SLC24A3: variants seen among roughly 807,000 people sequenced by gnomAD.
SLC24A3 encodes solute carrier family 24 member 3.
SLC24A3 carries 28 observed loss-of-function variants against 75.8 expected under a neutral mutation model. That is an observed-to-expected ratio of 0.37 (90% CI 0.27 to 0.51). SLC24A3 has a LOEUF of 0.51. Ranked by LOEUF, SLC24A3 falls within the 20% of genes least tolerant of loss-of-function variation. SLC24A3 has a pLI of 0.94. For missense variants in SLC24A3, 663 were observed against 847.8 expected (o/e 0.78, Z 2.71); for synonymous variants, 372 against 334.1 (o/e 1.11, Z -1.24).
At chr20:19,605,631 G>C (rs1164124790) in intron 6 of SLC24A3, among the ~76,000 whole-genome samples, 1 of 152,038 alleles carries the variant, frequency 6.6e-6, no homozygotes, top group Non-Finnish European at 1.5e-5. Context: ...ATTCAGCATA[G>C]GCCTTCTTAC....
At chr20:19,387,868 A>G (rs1179595594) in intron 2 of SLC24A3, among the ~76,000 whole-genome samples, 1 of 152,138 alleles carries the variant, frequency 6.6e-6, no homozygotes, top group Non-Finnish European at 1.5e-5. Flanking sequence ...CTGCTGTTTC[A>G]TTATTGATTT....
chr20:19,351,532 C>A (rs1396722627), intron 2 of SLC24A3, among the ~76,000 whole-genome samples: 2 of 152,160 alleles, frequency 1.3e-5, no homozygotes, highest in Non-Finnish European at 2.9e-5. Flanking sequence ...TGCTGTGGAA[C>A]CTAAGTTAAG....
At chr20:19,498,949 C>T (rs2122539749) in intron 2 of SLC24A3, among the ~76,000 whole-genome samples, 1 of 152,334 alleles carries the variant, frequency 6.6e-6, no homozygotes, top group South Asian at 2.1e-4. Flanking sequence ...GAGAAGTCTC[C>T]AAGCTGAGAA....
At chr20:19,598,894 A>G (rs1468065708) in intron 6 of SLC24A3, among the ~76,000 whole-genome samples, 2 of 134,396 alleles carry the variant, frequency 1.5e-5, no homozygotes, top group Non-Finnish European at 3.3e-5. Flanking sequence ...TTAAATATAT[A>G]TATATGTATA....
intron 2 of SLC24A3, among the ~76,000 whole-genome samples, chr20:19,494,739 TAGAG>T (rs1568634171): frequency 6.6e-6 from 1 of 152,066 alleles, no homozygotes. Context: ...TGCAGTGACT[TAGAG>T]GGATTAAGAG....
chr20:19,693,090 G>C (rs2032763556), intron 12 of SLC24A3, 169 bp from the exon 13 acceptor site: 1 of 705,108 alleles, frequency 1.4e-6, no homozygotes, highest in Non-Finnish European at 2.2e-6. Context: ...TGCATGTCAG[G>C]TTTCGTTGGT....
intron 2 of SLC24A3, among the ~76,000 whole-genome samples, chr20:19,299,222 G>GTGTGTGTGTT (rs1491056642): frequency 2.6e-5 from 4 of 151,536 alleles, no homozygotes; most frequent in African/African-American, 9.7e-5. Flanking sequence ...GTGTGTGTGT[G>GTGTGTGTGTT]TTTTCATCTT....
chr20:19,462,213 G>A (rs1987689633), intron 2 of SLC24A3, among the ~76,000 whole-genome samples: 1 of 152,070 alleles, frequency 6.6e-6, no homozygotes, highest in Non-Finnish European at 1.5e-5. Flanking sequence ...CAGATGACTG[G>A]ACTGCTGTCC....
chr20:19,656,536 T>C (rs1395785854), intron 7 of SLC24A3, among the ~76,000 whole-genome samples: 1 of 152,220 alleles, frequency 6.6e-6, no homozygotes, highest in African/African-American at 2.4e-5. Flanking sequence ...CCAGCAAGCT[T>C]CATCCTTCTA....
At chr20:19,515,636 AGGT>A in intron 3 of SLC24A3, 72 bp downstream of exon 3, 1 of 1,472,590 alleles carries the variant, frequency 6.8e-7, no homozygotes, top group Non-Finnish European at 9.5e-7. Flanking sequence ...GTGGCACCTG[AGGT>A]GCCCCCAGTA....
At chr20:19,445,092 C>T (rs1053321003) in intron 2 of SLC24A3, among the ~76,000 whole-genome samples, 1 of 152,046 alleles carries the variant, frequency 6.6e-6, no homozygotes, top group Non-Finnish European at 1.5e-5. Context: ...CAGAACTGAC[C>T]TTTTTCATGA....
At chr20:19,223,017 G>A (rs1981772290) in intron 1 of SLC24A3, among the ~76,000 whole-genome samples, 2 of 152,082 alleles carry the variant, frequency 1.3e-5, no homozygotes, top group African/African-American at 2.4e-5. Flanking sequence ...AGAGGGCCAG[G>A]CACAGTGGCT....
At chr20:19,243,706 C>A (rs890753025) in intron 1 of SLC24A3, among the ~76,000 whole-genome samples, 1 of 152,158 alleles carries the variant, frequency 6.6e-6, no homozygotes, top group African/African-American at 2.4e-5. Context: ...ATTTCCTTAA[C>A]CCTCTTACAG....
At chr20:19,423,367 G>A (rs1986949129) in intron 2 of SLC24A3, among the ~76,000 whole-genome samples, 1 of 152,168 alleles carries the variant, frequency 6.6e-6, no homozygotes, top group Non-Finnish European at 1.5e-5. Flanking sequence ...AAGTGATAAG[G>A]GGCCTTTGCT....
chr20:19,408,390 C>CTTTTTTTT (rs1219522685), intron 2 of SLC24A3, among the ~76,000 whole-genome samples: 1 of 137,066 alleles, frequency 7.3e-6, no homozygotes, highest in African/African-American at 2.7e-5. Context: ...ATTAAAAATA[C>CTTTTTTTT]TTTTTTTTTT....
intron 3 of SLC24A3, among the ~76,000 whole-genome samples, chr20:19,526,085 A>G (rs642189): frequency 0.42 from 63,839 of 151,968 alleles, 14,155 homozygotes; most frequent in African/African-American, 0.55. Flanking sequence ...GTGTCACCCC[A>G]CTGCCAGTCT....
At chr20:19,638,747 T>C (rs916589730) in intron 6 of SLC24A3, among the ~76,000 whole-genome samples, 5 of 152,138 alleles carry the variant, frequency 3.3e-5, no homozygotes, top group African/African-American at 1.2e-4. Context: ...TGTCCAGAAT[T>C]GGTGGGTTCT....
intron 2 of SLC24A3, among the ~76,000 whole-genome samples, chr20:19,501,639 T>C (rs973804038): frequency 9.8e-5 from 15 of 152,350 alleles, no homozygotes; most frequent in African/African-American, 3.4e-4. Context: ...CTCTGAGCCT[T>C]GGGGCATCAC....
At chr20:19,451,727 T>C (rs186925644) in intron 2 of SLC24A3, among the ~76,000 whole-genome samples, 1 of 152,372 alleles carries the variant, frequency 6.6e-6, no homozygotes, top group Admixed American at 6.5e-5. Context: ...AAGTGGTTTC[T>C]TACAGACTCT....
Sources: gnomAD v4.1 joint callset for allele counts (sites outside exome capture counted in the v4.1 genomes callset) on GRCh38, gnomAD v4.1.1 for gene constraint, MANE v1.5 for transcripts, NCBI Gene and HGNC (gene_info 2026-07-23, HGNC 2026-07-21) for gene names.